Variants in FRMD4A observed in about 807,000 individuals in gnomAD.
FRMD4A encodes FERM domain containing 4A.
In FRMD4A, 29 loss-of-function variants were observed where a neutral mutation model predicts 129.1. The ratio of observed to expected loss-of-function variants is 0.22; its 90% CI spans 0.17 to 0.31. FRMD4A has a LOEUF of 0.31. FRMD4A is among the 10% of genes least tolerant of loss of function. FRMD4A has a pLI of 1.00. For synonymous variants in FRMD4A, 634 were observed against 571.6 expected (o/e 1.11, Z -1.56); for missense variants, 1,272 against 1,375.8 (o/e 0.92, Z 1.19).
chr10:13,695,722 G>A (rs2086161757), intron 14 of FRMD4A, among the ~76,000 whole-genome samples: 1 of 152,362 alleles, frequency 6.6e-6, no homozygotes, highest in South Asian at 2.1e-4. Flanking sequence ...TGCCTGGCCT[G>A]TGGAACCCAA....
chr10:13,855,554 C>T (rs1268190788), intron 3 of FRMD4A, among the ~76,000 whole-genome samples: 1 of 152,124 alleles, frequency 6.6e-6, no homozygotes, highest in Non-Finnish European at 1.5e-5. Context: ...CTTTCCCACC[C>T]ATCCCCATTT....
chr10:14,039,200 T>C (rs1833643491), intron 2 of FRMD4A, among the ~76,000 whole-genome samples: 1 of 150,950 alleles, frequency 6.6e-6, no homozygotes, highest in Admixed American at 6.6e-5. Context: ...TTTTAGAATA[T>C]GAGTTGTACT....
At chr10:13,850,285 ATTT>A (rs1013809844) in intron 3 of FRMD4A, among the ~76,000 whole-genome samples, 1 of 151,482 alleles carries the variant, frequency 6.6e-6, no homozygotes, top group Non-Finnish European at 1.5e-5. Context: ...AAAGTCATAC[ATTT>A]TTTTTTCTAG....
chr10:13,717,761 C>T (rs929181239), intron 12 of FRMD4A, among the ~76,000 whole-genome samples: 2 of 147,340 alleles, frequency 1.4e-5, no homozygotes, highest in Non-Finnish European at 3.0e-5. Context: ...ATGCCTGCTC[C>T]AGCTCTATCC....
chr10:13,961,756 A>C (rs1371963233), intron 2 of FRMD4A, among the ~76,000 whole-genome samples: 1 of 152,196 alleles, frequency 6.6e-6, no homozygotes, highest in Non-Finnish European at 1.5e-5. Context: ...ATTTGACTTG[A>C]ATTTGTCTAA....
At chr10:14,227,182 T>C (rs1236566295) in intron 2 of FRMD4A, among the ~76,000 whole-genome samples, 1 of 151,036 alleles carries the variant, frequency 6.6e-6, no homozygotes, top group East Asian at 1.9e-4. Flanking sequence ...CTGGTTCAGG[T>C]TCATCTCTTT....
Position 13,660,430 on chromosome 10 carries a change from T to C in FRMD4A, c.1784A>G (p.His595Arg). The C allele has an allele frequency of 6.2e-7, 1 of 1,614,040 alleles. No homozygotes were observed. The highest frequency in any genetic ancestry group is 8.5e-7 in the Non-Finnish European group (1 of 1,179,900). The change falls in exon 20 of 25, where the codon CAC (histidine) becomes CGC (arginine). Residue 595 changes from histidine (H) to arginine (R), a missense_variant. His to Arg is a conservative substitution (Grantham distance 29). This residue lies in a region of FRMD4A where 972 missense variants were observed against 892.3 expected (regional missense o/e 1.09). Transcript: ENST00000357447. ...PQSLEGLRQM[H>R]YHRNDYDKSP... is the part of the protein sequence containing the mutation. ...CTTGTCATAGTCGTTGCGGTGATAGTGCATCTGTCGGAGTCCCTCCAGGGA... is the reference window on the plus strand; with the variant it reads ...CTTGTCATAGTCGTTGCGGTGATAGCGCATCTGTCGGAGTCCCTCCAGGGA...
chr10:14,207,139 CAG>C (rs1842806821), intron 2 of FRMD4A, among the ~76,000 whole-genome samples: 1 of 151,984 alleles, frequency 6.6e-6, no homozygotes, highest in South Asian at 2.1e-4. Context: ...AACAACATTC[CAG>C]AGTGTTCTGG....
At chr10:13,912,476 G>A (rs1434138979) in intron 2 of FRMD4A, among the ~76,000 whole-genome samples, 1 of 151,252 alleles carries the variant, frequency 6.6e-6, no homozygotes, top group Non-Finnish European at 1.5e-5. Context: ...ATGTCCATCC[G>A]CTGATGAACA....
At chr10:14,138,058 AAT>A (rs1839638476) in intron 2 of FRMD4A, among the ~76,000 whole-genome samples, 1 of 152,240 alleles carries the variant, frequency 6.6e-6, no homozygotes, top group Non-Finnish European at 1.5e-5. Flanking sequence ...TAGGTAAGCA[AAT>A]GGGGCCAAAG....
intron 2 of FRMD4A, among the ~76,000 whole-genome samples, chr10:14,192,489 A>C (rs1483078639): frequency 6.6e-6 from 1 of 152,242 alleles, no homozygotes; most frequent in Non-Finnish European, 1.5e-5. Flanking sequence ...CACTGTTGTG[A>C]GATAAATTCC....
At chr10:14,049,474 T>A (rs1834155152) in intron 2 of FRMD4A, among the ~76,000 whole-genome samples, 1 of 152,188 alleles carries the variant, frequency 6.6e-6, no homozygotes, top group South Asian at 2.1e-4. Flanking sequence ...TGGGTTTCAG[T>A]GTATTAGGAA....
intron 2 of FRMD4A, among the ~76,000 whole-genome samples, chr10:13,949,300 T>TC (rs1554983568): frequency 7.7e-5 from 1 of 12,926 alleles, no homozygotes; most frequent in Non-Finnish European, 1.6e-4. Flanking sequence ...GTTCTAGTGA[T>TC]CAAAAAAAAA....
intron 2 of FRMD4A, among the ~76,000 whole-genome samples, chr10:14,311,649 C>T (rs1199062795): frequency 7.1e-6 from 1 of 141,126 alleles, no homozygotes; most frequent in African/African-American, 2.6e-5. Context: ...TCATGCCTTA[C>T]TCAGTTCCAG....
intron 3 of FRMD4A, among the ~76,000 whole-genome samples, chr10:13,855,312 C>T (rs1341551299): frequency 6.6e-6 from 1 of 152,120 alleles, no homozygotes. Flanking sequence ...GCTTTCTCGC[C>T]CAACACTGAT....
intron 4 of FRMD4A, 66 bp downstream of exon 4, chr10:13,810,748 G>A (rs927616459): frequency 2.5e-6 from 2 of 796,358 alleles, no homozygotes; most frequent in Non-Finnish European, 4.3e-6. Context: ...AACAGCTGGA[G>A]TGGAGCAGTT....
At chr10:14,189,011 T>G (rs981227777) in intron 2 of FRMD4A, among the ~76,000 whole-genome samples, 2 of 152,248 alleles carry the variant, frequency 1.3e-5, no homozygotes, top group Non-Finnish European at 2.9e-5. Flanking sequence ...GTTTGACATT[T>G]AGCTTAAGTT....
chr10:14,277,888 C>T (rs1005888739), intron 2 of FRMD4A, among the ~76,000 whole-genome samples: 1 of 152,222 alleles, frequency 6.6e-6, no homozygotes, highest in African/African-American at 2.4e-5. Flanking sequence ...GCCTGAGCTC[C>T]CTTTAATGCA....
At chr10:14,234,291 G>A (rs902518409) in intron 2 of FRMD4A, among the ~76,000 whole-genome samples, 9 of 152,112 alleles carry the variant, frequency 5.9e-5, no homozygotes, top group African/African-American at 2.2e-4. Context: ...TGGGTTGTTT[G>A]AGTCCCTGGT....
Sources: gnomAD v4.1 joint callset for allele counts (sites outside exome capture counted in the v4.1 genomes callset) on GRCh38, gnomAD v4.1.1 for gene constraint, gnomAD v4.1.1 regional missense constraint, MANE v1.5 for transcripts, NCBI Gene and HGNC (gene_info 2026-07-23, HGNC 2026-07-21) for gene names.